KCNH7: variants seen among roughly 807,000 people sequenced by gnomAD.
The protein encoded by KCNH7 is voltage-gated inwardly rectifying potassium channel KCNH7.
In KCNH7, 49 loss-of-function variants were observed where a neutral mutation model predicts 120.8. That is an observed-to-expected ratio of 0.41 (90% confidence interval 0.32 to 0.51). The LOEUF (loss-of-function observed/expected upper bound fraction) is 0.51. Among genes scored for constraint, KCNH7 ranks in the 20% least tolerant of loss-of-function variants. KCNH7 has a pLI of 0.38. For synonymous variants in KCNH7, 547 were observed against 516.1 expected, an observed-to-expected ratio of 1.06 and a Z score of -0.81; for missense variants, 1,097 against 1,446.6, an observed-to-expected ratio of 0.76 and a Z score of 3.92.
chr2:162,788,988 TAAAAAAA>T (rs61348204), intron 2 of KCNH7, among the ~76,000 whole-genome samples: 4 of 105,164 alleles, frequency 3.8e-5, no homozygotes, highest in South Asian at 3.3e-4. Flanking sequence ...AGGTACTGGT[TAAAAAAA>T]AAAAAAAAAA....
intron 15 of KCNH7, 95 bp from the exon 16 acceptor site, chr2:162,372,190 C>T: frequency 2.9e-6 from 3 of 1,022,524 alleles, no homozygotes; most frequent in Non-Finnish European, 2.8e-6. Flanking sequence ...TTTCTTTCCT[C>T]ATTAATCTAT....
chr2:162,565,776 G>C (rs1222147879), intron 2 of KCNH7, among the ~76,000 whole-genome samples: 1 of 151,942 alleles, frequency 6.6e-6, no homozygotes, highest in Non-Finnish European at 1.5e-5. Flanking sequence ...AAATTTTCCT[G>C]ATATATTTTG....
At chr2:162,752,954 A>AAAAGAAAAG in intron 2 of KCNH7, among the ~76,000 whole-genome samples, 35 of 110,720 alleles carry the variant, frequency 3.2e-4, no homozygotes, top group Middle Eastern at 4.2e-3. Flanking sequence ...AAAAGAAAAG[A>AAAAGAAAAG]AAAGAAAAGA....
chr2:162,634,802 G>A (rs949132412), intron 2 of KCNH7, among the ~76,000 whole-genome samples: 7 of 152,120 alleles, frequency 4.6e-5, no homozygotes, highest in African/African-American at 1.7e-4. Context: ...TCACTAACTT[G>A]AAATATAAGA....
chr2:162,704,945 G>A lies in KCNH7; in HGVS notation c.307+131592C>T, dbSNP rs562674833. ...TCTGTGCTTTGATAAAATTAAGATGGGTAAAACTTAAAAGAAATGAATTAA... is the reference window on the plus strand; with the variant it reads ...TCTGTGCTTTGATAAAATTAAGATGAGTAAAACTTAAAAGAAATGAATTAA... On this transcript the variant is annotated intron_variant, in intron 2 of 15. Coordinates refer to ENST00000332142, the MANE Select transcript of KCNH7 (RefSeq NM_033272.4). Among the ~76,000 whole-genome samples the A allele has an allele frequency of 7.8e-4, 119 of 152,148 alleles. 1 individual carries two copies. The highest frequency in any genetic ancestry group is 2.4e-3 in the African/African-American group (101 of 41,524).
chr2:162,837,814 G>T (rs1038351194), intron 1 of KCNH7, among the ~76,000 whole-genome samples: 2 of 152,030 alleles, frequency 1.3e-5, no homozygotes, highest in African/African-American at 4.8e-5. Flanking sequence ...AAATTTTAAG[G>T]GGATAATAAA....
chr2:162,437,839 G>T (rs1388116296), intron 7 of KCNH7, among the ~76,000 whole-genome samples: 2 of 152,104 alleles, frequency 1.3e-5, no homozygotes, highest in African/African-American at 2.4e-5. Context: ...AATCACAAGT[G>T]GGGGCCTTTC....
chr2:162,817,110 A>G (rs894433670), intron 2 of KCNH7, among the ~76,000 whole-genome samples: 1 of 152,190 alleles, frequency 6.6e-6, no homozygotes, highest in Non-Finnish European at 1.5e-5. Context: ...ATGCAAATTT[A>G]TACAATGTGT....
At chr2:162,811,579 G>A (rs757785101) in intron 2 of KCNH7, among the ~76,000 whole-genome samples, 6 of 151,946 alleles carry the variant, frequency 3.9e-5, no homozygotes, top group Admixed American at 6.6e-5. Flanking sequence ...TTTTTGTTTC[G>A]TCACATAAAT....
chr2:162,458,104 C>CGTGTGTGTGTGT (rs139079136), intron 6 of KCNH7, among the ~76,000 whole-genome samples: 24 of 130,920 alleles, frequency 1.8e-4, no homozygotes, highest in African/African-American at 5.8e-4. Flanking sequence ...TGGCTATGTG[C>CGTGTGTGTGTGT]GTGTGTGTGT....
intron 2 of KCNH7, among the ~76,000 whole-genome samples, chr2:162,683,918 A>G (rs757060102): frequency 5.3e-5 from 8 of 152,120 alleles, no homozygotes; most frequent in Non-Finnish European, 1.2e-4. Flanking sequence ...ACAAATCTGG[A>G]GGCATCACAC....
In KCNH7 at chr2:162,438,586, G is replaced by C. The variant is rs148982968; in HGVS notation, c.1555-2989C>G. ...TACTAAGTAGTAATTATGTCTCTCA[G>C]TTGCATTATAAGGATGAGTGAATAT... On this transcript the variant is annotated intron_variant, in intron 7 of 15. Coordinates refer to ENST00000332142, the MANE Select transcript of KCNH7 (RefSeq NM_033272.4). Among the ~76,000 whole-genome samples, 841 of 152,270 alleles carry C rather than the reference G, an allele frequency of 5.5e-3. 7 individuals are homozygous for C. Among genetic ancestry groups the C allele is most frequent in the African/African-American group, 0.017 (715 of 41,566 alleles).
chr2:162,819,226 C>G (rs763592906), intron 2 of KCNH7, among the ~76,000 whole-genome samples: 12 of 152,032 alleles, frequency 7.9e-5, no homozygotes, highest in Non-Finnish European at 2.9e-5. Flanking sequence ...GTATTGTATC[C>G]TTGTAACATT....
At chr2:162,539,100 T>G (rs1409689585) in intron 2 of KCNH7, among the ~76,000 whole-genome samples, 1 of 152,126 alleles carries the variant, frequency 6.6e-6, no homozygotes, top group Non-Finnish European at 1.5e-5. Context: ...GCTGGAGCAC[T>G]TGTCATAGTT....
chr2:162,505,083 C>T (rs1011527885), intron 5 of KCNH7, among the ~76,000 whole-genome samples: 4 of 151,664 alleles, frequency 2.6e-5, no homozygotes, highest in African/African-American at 9.7e-5. Context: ...GATTGTTTAC[C>T]CTGCTCCAAT....
intron 3 of KCNH7, among the ~76,000 whole-genome samples, chr2:162,535,987 A>G (rs1002001859): frequency 1.3e-5 from 2 of 151,782 alleles, no homozygotes; most frequent in Non-Finnish European, 2.9e-5. Context: ...TTAACTGTAT[A>G]CTCTGCACTA....
Position 162,518,015 on chromosome 2 carries a change from G to C in KCNH7, c.607C>G (p.Pro203Ala). ...DSVAMKHFKS[P>A]TKESCSPSEA... The stretch of plus-strand genomic sequence containing the variant: ...GAGGGGCTGCAGCTTTCTTTTGTAG[G>C]AGACTTAAAATGCTTCATGGCTACT... The change falls in exon 4 of 16, where the codon CCT becomes GCT. Residue 203 changes from proline to alanine, a missense_variant. Transcript: ENST00000332142. 1.2e-6 allele frequency: 2 copies of C among 1,612,460 alleles called. No individual in the cohort carries two copies. The highest frequency in any genetic ancestry group is 8.5e-7 in the Non-Finnish European group (1 of 1,178,896).
chr2:162,813,257 CTTCAG>C (rs1166879835), intron 2 of KCNH7, among the ~76,000 whole-genome samples: 2 of 152,080 alleles, frequency 1.3e-5, no homozygotes, highest in African/African-American at 2.4e-5. Context: ...CCACTTTAAC[CTTCAG>C]TTCAAAGAAA....
At chr2:162,436,724 A>G (rs1452426658) in intron 7 of KCNH7, among the ~76,000 whole-genome samples, 2 of 152,150 alleles carry the variant, frequency 1.3e-5, no homozygotes, top group Non-Finnish European at 2.9e-5. Flanking sequence ...TTATATCTTA[A>G]TGGAAGAAAT....
Sources: allele counts gnomAD v4.1 joint callset (sites outside exome capture counted in the v4.1 genomes callset), GRCh38; gene constraint gnomAD v4.1.1; transcripts MANE v1.5; gene names NCBI Gene and HGNC (gene_info 2026-07-23, HGNC 2026-07-21).